Variants in GRIA1 observed in about 807,000 individuals in gnomAD.
The protein encoded by GRIA1 is glutamate ionotropic receptor AMPA type subunit 1.
A neutral mutation model predicts 99.2 loss-of-function variants in GRIA1; 31 were observed. The ratio of observed to expected loss-of-function variants is 0.31; its 90% confidence interval spans 0.23 to 0.42. The LOEUF (loss-of-function observed/expected upper bound fraction) is 0.42. Ranked by LOEUF, GRIA1 falls within the 10% of genes least tolerant of loss-of-function variation. The pLI, the probability that GRIA1 is intolerant of heterozygous loss-of-function variation, is 1.00. For synonymous variants in GRIA1, 438 were observed against 432.4 expected (o/e 1.01, Z -0.16); for missense variants, 782 against 1,157.5 (o/e 0.68, Z 4.71).
chr5:153,737,745 G>A (rs186826002), intron 11 of GRIA1, among the ~76,000 whole-genome samples: 1 of 152,230 alleles, frequency 6.6e-6, no homozygotes. Flanking sequence ...CAACTATGAG[G>A]CAAGCAAGCA....
At chr5:153,507,200 G>A (rs2113284089) in intron 2 of GRIA1, among the ~76,000 whole-genome samples, 1 of 152,232 alleles carries the variant, frequency 6.6e-6, no homozygotes, top group Admixed American at 6.5e-5. Flanking sequence ...GGTTATGGAA[G>A]AATTTCTCAT....
chr5:153,670,590 T>A (rs1196026061), intron 5 of GRIA1, among the ~76,000 whole-genome samples: 13 of 152,050 alleles, frequency 8.5e-5, no homozygotes, highest in Non-Finnish European at 1.8e-4. Flanking sequence ...CAATGTAGTA[T>A]TTTTATATAA....
chr5:153,592,160 T>G (rs1159161078), intron 2 of GRIA1, among the ~76,000 whole-genome samples: 1 of 152,250 alleles, frequency 6.6e-6, no homozygotes. Flanking sequence ...TAGAAGTTGG[T>G]TCTTTTCATA....
chr5:153,751,348 A>G (rs1362990759), intron 11 of GRIA1, among the ~76,000 whole-genome samples: 1 of 152,244 alleles, frequency 6.6e-6, no homozygotes, highest in Non-Finnish European at 1.5e-5. Context: ...ATGGTTTTTA[A>G]AATATGTCAA....
rs574913992 is a variant in GRIA1 at position 153,722,771 on chromosome 5, T to C, written c.1823+16704T>C. Reference sequence around the variant, plus strand: ...CTGGATGATCCCATGGGGTACGGGGTGTAGAAGGGATTCTCTTCACATAGA... The same window carrying C: ...CTGGATGATCCCATGGGGTACGGGGCGTAGAAGGGATTCTCTTCACATAGA... On this transcript the variant is annotated intron_variant, in intron 11 of 15. Coordinates refer to ENST00000285900, the MANE Select transcript of GRIA1 (RefSeq NM_000827.4). Among the ~76,000 whole-genome samples, 396 of 152,248 alleles carry C rather than the reference T, an allele frequency of 2.6e-3. 3 individuals are homozygous for C. The highest frequency in any genetic ancestry group is 3.7e-3 in the Non-Finnish European group (250 of 68,024).
intron 2 of GRIA1, among the ~76,000 whole-genome samples, chr5:153,550,968 T>C (rs1307611864): frequency 6.6e-6 from 1 of 152,146 alleles, no homozygotes; most frequent in African/African-American, 2.4e-5. Context: ...ATACAATGAA[T>C]TTATATTCTT....
Position 153,705,690 on chromosome 5 carries a change from T to TAA in GRIA1, c.1453-7_1453-6insAA. 2 of 1,283,620 alleles carry TAA rather than the reference T, an allele frequency of 1.6e-6. No homozygotes were observed. The highest frequency in any genetic ancestry group is 2.0e-6 in the Non-Finnish European group (2 of 1,010,258). 79.5% of individuals were successfully genotyped at this position (1,283,620 alleles called of 1,614,324 possible). A position where few individuals can be genotyped will look rare whatever the true frequency, so the allele number is the denominator to read the frequency against. ...TTTTTTTTTTTTTTTTTTTTTTTTT[T>TAA]TTTCAGAGAGCAGATGTGGCTGTGG... On this transcript the variant is annotated splice_polypyrimidine_tract_variant and splice_region_variant and intron_variant, in intron 10 of 15. Coordinates refer to ENST00000285900, the MANE Select transcript of GRIA1 (RefSeq NM_000827.4).
intron 2 of GRIA1, among the ~76,000 whole-genome samples, chr5:153,540,977 G>A (rs974459479): frequency 4.6e-5 from 7 of 152,100 alleles, no homozygotes; most frequent in African/African-American, 1.7e-4. Context: ...AGGAGAGGCA[G>A]GCAGTACCCA....
chr5:153,523,625 T>C (rs1757352780), intron 2 of GRIA1, among the ~76,000 whole-genome samples: 1 of 152,208 alleles, frequency 6.6e-6, no homozygotes, highest in Non-Finnish European at 1.5e-5. Flanking sequence ...CTTGACACCC[T>C]GTGCAGGTCA....
intron 14 of GRIA1, chr5:153,795,636 C>A: frequency 8.8e-7 from 1 of 1,132,986 alleles, no homozygotes. Context: ...AACAAAAATG[C>A]ACAGTGTTGA....
chr5:153,748,921 A>C (rs80335314), intron 11 of GRIA1, among the ~76,000 whole-genome samples: 3 of 152,162 alleles, frequency 2.0e-5, no homozygotes, highest in Non-Finnish European at 4.4e-5. Flanking sequence ...AGGATAGGGG[A>C]TAGAGATCTA....
At chr5:153,592,942 C>G (rs1390994493) in intron 2 of GRIA1, among the ~76,000 whole-genome samples, 5 of 152,240 alleles carry the variant, frequency 3.3e-5, no homozygotes, top group Non-Finnish European at 7.4e-5. Context: ...AGAGTCTCAT[C>G]ATGGGGCTCC....
intron 14 of GRIA1, among the ~76,000 whole-genome samples, chr5:153,801,387 C>T (rs966225595): frequency 3.3e-5 from 5 of 149,846 alleles, no homozygotes; most frequent in African/African-American, 1.2e-4. Flanking sequence ...GTCCCTCAGA[C>T]CTTCACTTTT....
At chr5:153,558,165 A>G (rs542478470) in intron 2 of GRIA1, 9 of 152,116 alleles carry the variant, frequency 5.9e-5, no homozygotes, top group Non-Finnish European at 1.2e-4. Context: ...CAGCCCCATT[A>G]TAATCTTATG....
intron 2 of GRIA1, among the ~76,000 whole-genome samples, chr5:153,521,799 C>A (rs929419955): frequency 9.2e-5 from 14 of 152,100 alleles, no homozygotes; most frequent in African/African-American, 3.1e-4. Flanking sequence ...CTCATTACAC[C>A]AAAGATATTA....
At position 153,769,314 on chromosome 5, in the gene GRIA1, G is replaced by C. The variant is rs147825792; in HGVS notation, c.2023-854G>C. The stretch of plus-strand genomic sequence containing the variant: ...TGCTGAATCAGAATCTCTAGATTTA[G>C]AGCTAGGGAATATGCATTTTTACAA... On this transcript the variant is annotated intron_variant, in intron 12 of 15. Coordinates refer to ENST00000285900, the MANE Select transcript of GRIA1 (RefSeq NM_000827.4). Among the ~76,000 whole-genome samples the C allele has an allele frequency of 8.7e-3, 1,331 of 152,264 alleles. 10 individuals are homozygous for C. The highest frequency in any genetic ancestry group is 0.014 in the Non-Finnish European group (984 of 68,014).
chr5:153,531,559 A>C (rs1187949425), intron 2 of GRIA1, among the ~76,000 whole-genome samples: 2 of 152,216 alleles, frequency 1.3e-5, no homozygotes, highest in East Asian at 3.8e-4. Context: ...TGCAGACCAC[A>C]GATATATTTT....
At chr5:153,661,199 G>A (rs868076961) in intron 5 of GRIA1, among the ~76,000 whole-genome samples, 4 of 152,148 alleles carry the variant, frequency 2.6e-5, no homozygotes, top group African/African-American at 9.7e-5. Context: ...TGTTGGCTCT[G>A]TACCTCACAG....
Position 153,811,006 on chromosome 5 carries a change from C to T in GRIA1, c.2521-19C>T. On this transcript the variant is annotated intron_variant, in intron 15 of 15. Transcript: ENST00000285900. The stretch of plus-strand genomic sequence containing the variant: ...CATTGCCAAGGACCCGGGGAAGAAC[C>T]CCCGGTCCTCCTGAAAAGGGTTTTT... 6.2e-7 allele frequency: 1 copy of T among 1,605,416 alleles called. No individual in the cohort carries two copies. The highest frequency in any genetic ancestry group is 1.1e-5 in the South Asian group (1 of 90,738).
Sources: allele counts gnomAD v4.1 joint callset (sites outside exome capture counted in the v4.1 genomes callset), GRCh38; gene constraint gnomAD v4.1.1; transcripts MANE v1.5; gene names NCBI Gene and HGNC (gene_info 2026-07-23, HGNC 2026-07-21).